MYO9A: variants seen among roughly 807,000 people sequenced by gnomAD.
MYO9A encodes the protein unconventional myosin-IXa.
In MYO9A, 103 loss-of-function variants were observed where a neutral mutation model predicts 293.3. That is an observed-to-expected ratio of 0.35 (90% CI 0.30 to 0.41). MYO9A has a LOEUF of 0.41. MYO9A is among the 10% of genes least tolerant of loss of function. MYO9A has a pLI of 1.00. For missense variants in MYO9A, 2,685 were observed against 3,033.0 expected, an observed-to-expected ratio of 0.89 and a Z score of 2.69; for synonymous variants, 1,001 against 1,035.7, an observed-to-expected ratio of 0.97 and a Z score of 0.64.
intron 2 of MYO9A, among the ~76,000 whole-genome samples, chr15:72,035,754 G>T (rs2078026427): frequency 6.6e-6 from 1 of 152,172 alleles, no homozygotes; most frequent in Non-Finnish European, 1.5e-5. Flanking sequence ...GCAGTAAGCT[G>T]TGACTGTACC....
chr15:71,829,647 C>T (rs1422904833), intron 40 of MYO9A, among the ~76,000 whole-genome samples: 1 of 151,924 alleles, frequency 6.6e-6, no homozygotes, highest in Non-Finnish European at 1.5e-5. Flanking sequence ...AATAACCTTC[C>T]TTCATGGATT....
chr15:71,986,488 A>C (rs1463674332), intron 11 of MYO9A, among the ~76,000 whole-genome samples: 1 of 152,210 alleles, frequency 6.6e-6, no homozygotes, highest in Non-Finnish European at 1.5e-5. Context: ...CATTTCAGTC[A>C]AGAACCAACT....
At position 71,981,748 on chromosome 15, in the gene MYO9A, C is replaced by G. The variant is rs979570206; in HGVS notation, c.1723-3456G>C. ...ACTTTTGGTTTGGTTGATCCTCTCC[C>G]ATGGTATATTTGTTTTCACACTTTT... On this transcript the variant is annotated intron_variant, in intron 11 of 41. Transcript: ENST00000356056. Among the ~76,000 whole-genome samples, 21 of 151,884 alleles carry G rather than the reference C, an allele frequency of 1.4e-4. 1 individual carries two copies. Among genetic ancestry groups the G allele is most frequent in the African/African-American group, 5.1e-4 (21 of 41,416 alleles).
chr15:71,994,976 C>G (rs1300152127), intron 9 of MYO9A, among the ~76,000 whole-genome samples: 3 of 152,174 alleles, frequency 2.0e-5, no homozygotes, highest in Non-Finnish European at 4.4e-5. Context: ...AGGTGATTCA[C>G]CCGTCTTGGC....
chr15:72,044,852 G>A (rs147323921), intron 2 of MYO9A, among the ~76,000 whole-genome samples: 2 of 152,040 alleles, frequency 1.3e-5, no homozygotes, highest in Admixed American at 1.3e-4. Flanking sequence ...CTTATAGGGG[G>A]ATATACAATG....
intron 31 of MYO9A, among the ~76,000 whole-genome samples, chr15:71,876,845 C>A (rs761314186): frequency 1.1e-4 from 16 of 152,102 alleles, no homozygotes; most frequent in African/African-American, 3.6e-4. Flanking sequence ...AACTCTTTTC[C>A]ATATGACATT....
At chr15:71,841,810 G>GTTTTTTTTTGTT (rs113118580) in intron 39 of MYO9A, among the ~76,000 whole-genome samples, 3 of 144,648 alleles carry the variant, frequency 2.1e-5, no homozygotes, top group African/African-American at 5.1e-5. Flanking sequence ...TTTTTTTTTT[G>GTTTTTTTTTGTT]TTTTTTTTGT....
intron 1 of MYO9A, among the ~76,000 whole-genome samples, chr15:72,100,968 T>TA (rs2080277124): frequency 1.3e-5 from 1 of 75,332 alleles, no homozygotes; most frequent in Non-Finnish European, 2.7e-5. Flanking sequence ...CGGAGGGAGG[T>TA]GGGGGGGTCA....
intron 19 of MYO9A, among the ~76,000 whole-genome samples, chr15:71,910,123 TAC>T (rs1183716424): frequency 7.0e-5 from 10 of 143,700 alleles, no homozygotes; most frequent in South Asian, 2.2e-4. Flanking sequence ...CGTGTATATA[TAC>T]ACGTGTATAT....
At chr15:71,961,067 C>T (rs1177952251) in intron 13 of MYO9A, among the ~76,000 whole-genome samples, 1 of 152,162 alleles carries the variant, frequency 6.6e-6, no homozygotes, top group Admixed American at 6.5e-5. Flanking sequence ...CATGAGCTAA[C>T]TGGTGTCTTA....
At position 71,826,966 on chromosome 15, in the gene MYO9A, T is replaced by G; in HGVS notation, c.7261A>C (p.Lys2421Gln). The G allele has an allele frequency of 6.2e-7, 1 of 1,613,666 alleles. No individual in the cohort carries two copies. Among genetic ancestry groups the G allele is most frequent in the Non-Finnish European group, 8.5e-7 (1 of 1,179,850 alleles). The change falls in exon 42 of 42, where the codon AAG becomes CAG. Residue 2421 changes from lysine to glutamine, a missense_variant. Lys to Gln is a moderately conservative substitution (Grantham distance 53). Coordinates refer to ENST00000356056, the MANE Select transcript of MYO9A (RefSeq NM_006901.4). ...ACGACATCTAAAGAGTCTTGCTGCT[T>G]TTTAAGTTGCTTTCGCAACTTGCTG... ...PSSKLRKQLK[K>Q]QQDSLDVVDS...
At position 72,096,577 on chromosome 15, in the gene MYO9A, C is replaced by T. The variant is rs146761496; in HGVS notation, c.-72+21103G>A. ...TACAAGGAGATTAATGTTTTCCCAC[C>T]TGCTAACACAACATCCACTCTGCAG... is the stretch of plus-strand genomic sequence containing the variant. On this transcript the variant is annotated intron_variant, in intron 1 of 41. Transcript: ENST00000356056. Among the ~76,000 whole-genome samples, 432 of 152,328 alleles carry T rather than the reference C, an allele frequency of 2.8e-3. 20 individuals are homozygous for T. Among genetic ancestry groups the T allele is most frequent in the Admixed American group, 0.022 (331 of 15,300 alleles).
intron 1 of MYO9A, among the ~76,000 whole-genome samples, chr15:72,076,178 G>A (rs2079344628): frequency 6.6e-6 from 1 of 152,030 alleles, no homozygotes; most frequent in Non-Finnish European, 1.5e-5. Context: ...GGTGCCATGT[G>A]CCTGTAATAC....
rs1469587373 is a variant in MYO9A at position 72,094,278 on chromosome 15, G to GA, written c.-72+23401dup. 2.0e-4 allele frequency among the ~76,000 whole-genome samples: 18 copies of GA among 90,036 alleles called. 5 individuals carry two copies. In the East Asian group the frequency reaches 4.3e-3, roughly 22 times the overall value. The allele number at this position is 90,036 out of a possible 152,430, so 59.1% of individuals were successfully genotyped here. Reference sequence around the variant, plus strand: ...AGGAGGAGGAGGAGGAGGAATAAAAGAAAAAATACATAAGAGTAAGAAAAT... The same window carrying GA: ...AGGAGGAGGAGGAGGAGGAATAAAAGAAAAAAATACATAAGAGTAAGAAAAT... On this transcript the variant is annotated intron_variant, in intron 1 of 41. Coordinates refer to ENST00000356056, the MANE Select transcript of MYO9A (RefSeq NM_006901.4).
intron 12 of MYO9A, among the ~76,000 whole-genome samples, chr15:71,977,160 A>G (rs1023442810): frequency 1.3e-5 from 2 of 152,250 alleles, no homozygotes; most frequent in Non-Finnish European, 2.9e-5. Flanking sequence ...GGAATAGTAA[A>G]TAACTGGCAG....
chr15:72,039,015 A>G (rs1428696845), intron 2 of MYO9A, among the ~76,000 whole-genome samples: 2 of 152,146 alleles, frequency 1.3e-5, no homozygotes, highest in African/African-American at 4.8e-5. Context: ...AGTGAAATCC[A>G]TATTTATCCA....
At position 72,107,325 on chromosome 15, in the gene MYO9A, G is replaced by A. The variant is rs1046188511; in HGVS notation, c.-72+10355C>T. 2.0e-5 allele frequency among the ~76,000 whole-genome samples: 3 copies of A among 152,086 alleles called. No homozygotes were observed. The East Asian group carries it at 5.8e-4, about 29-fold the overall frequency. On this transcript the variant is annotated intron_variant, in intron 1 of 41. Transcript: ENST00000356056. ...GCACTTTGGGAGGCTGAGGCAGGCA[G>A]ATCACCTGAGGTCAGGAGTCCCAGA...
chr15:72,012,486 C>T (rs1404589540), intron 6 of MYO9A, among the ~76,000 whole-genome samples: 3 of 151,882 alleles, frequency 2.0e-5, no homozygotes, highest in Non-Finnish European at 4.4e-5. Flanking sequence ...TTAGTAGAGA[C>T]GGGGTTTTAC....
At chr15:71,844,678 A>G (rs970080804) in intron 39 of MYO9A, among the ~76,000 whole-genome samples, 2 of 152,214 alleles carry the variant, frequency 1.3e-5, no homozygotes, top group Admixed American at 6.5e-5. Flanking sequence ...TCTTCTGAAA[A>G]TTCTGTAAGG....
Sources: allele counts gnomAD v4.1 joint callset (sites outside exome capture counted in the v4.1 genomes callset), GRCh38; gene constraint gnomAD v4.1.1; transcripts MANE v1.5; gene names NCBI Gene and HGNC (gene_info 2026-07-23, HGNC 2026-07-21).